The following PSD3 variants were observed in gnomAD, a reference collection of about 807,000 sequenced individuals.
The protein encoded by PSD3 is pleckstrin and Sec7 domain containing 3.
A neutral mutation model predicts 105.5 loss-of-function variants in PSD3; 49 were observed. The observed-to-expected ratio is 0.46, with a 90% CI of 0.37 to 0.59. The LOEUF (loss-of-function observed/expected upper bound fraction) is 0.59. Among genes scored for constraint, PSD3 ranks in the 20% least tolerant of loss-of-function variants. The pLI, the probability that PSD3 is intolerant of heterozygous loss-of-function variation, is 0.00. For synonymous variants in PSD3, 557 were observed against 457.8 expected (o/e 1.22, Z -2.77); for missense variants, 1,561 against 1,263.8 (o/e 1.24, Z -3.57).
Position 18,655,677 on chromosome 8 carries a change from G to C in PSD3, c.2181C>G (p.Tyr727Ter). 6.2e-7 allele frequency: 1 copy of C among 1,613,554 alleles called. No individual in the cohort carries two copies. The highest frequency in any genetic ancestry group is 8.5e-7 in the Non-Finnish European group (1 of 1,179,562). ...CAAGCTTCTCATTCTTGATTGAGTT[G>C]TACAGAGCCTGTAAAGAGAGAAAAT... ...DFSKDLLKAL[Y>*]NSIKNEKLEW... Residue 727 changes from tyrosine (Y) to a stop codon, truncating the protein, a stop_gained, in exon 10 of 16, where the codon TAC becomes TAG. Transcript: ENST00000327040. LOFTEE classifies it high-confidence loss of function.
intron 4 of PSD3, among the ~76,000 whole-genome samples, chr8:18,837,810 T>TA (rs1814244541): frequency 1.3e-5 from 2 of 152,086 alleles, no homozygotes; most frequent in African/African-American, 2.4e-5. Flanking sequence ...TTTAAAAAAA[T>TA]AAAAGCACTA....
intron 11 of PSD3, among the ~76,000 whole-genome samples, chr8:18,618,207 G>T (rs1218604144): frequency 7.1e-6 from 1 of 140,926 alleles, no homozygotes. Context: ...ATCCGTCTAT[G>T]ACCTGGAAGC....
Position 18,801,312 on chromosome 8 carries a change from T to A in PSD3, c.1981A>T (p.Asn661Tyr), listed in dbSNP as rs1810662041. ...TCTGGGTTACAATAAAAATATCTAT[T>A]GGAGAAGTGTATTAAAACTCTCTCT... ...ERERVLIHFS[N>Y]RYFYCNPDTI... The change falls in exon 7 of 16, where the codon AAT (asparagine) becomes TAT (tyrosine). Residue 661 changes from asparagine to tyrosine, a missense_variant. By Grantham distance (143) the Asn-to-Tyr change is moderately radical (BLOSUM62 -2). Coordinates refer to ENST00000327040, the MANE Select transcript of PSD3 (RefSeq NM_015310.4). 1 of 1,607,072 alleles carries A rather than the reference T, an allele frequency of 6.2e-7. No homozygotes were observed. Among genetic ancestry groups the A allele is most frequent in the East Asian group, 2.2e-5 (1 of 44,608 alleles).
chr8:18,543,176 C>T (rs1411796637), intron 15 of PSD3, among the ~76,000 whole-genome samples: 2 of 152,062 alleles, frequency 1.3e-5, no homozygotes, highest in Non-Finnish European at 2.9e-5. Flanking sequence ...CCTTTTGTGA[C>T]CACCAAGAGC....
At chr8:19,067,908 C>G (rs2129477808) in intron 1 of PSD3, among the ~76,000 whole-genome samples, 1 of 152,330 alleles carries the variant, frequency 6.6e-6, no homozygotes, top group Middle Eastern at 3.4e-3. Context: ...CCGCAGCTAT[C>G]TGCCTTTAAA....
intron 9 of PSD3, chr8:18,730,448 T>C (rs556078086): frequency 5.3e-5 from 8 of 152,296 alleles, no homozygotes; most frequent in African/African-American, 1.9e-4. Flanking sequence ...CCTTTATATA[T>C]AAATATTAAT....
At chr8:18,837,318 CA>C (rs1451204305) in intron 4 of PSD3, among the ~76,000 whole-genome samples, 1 of 152,152 alleles carries the variant, frequency 6.6e-6, no homozygotes, top group Non-Finnish European at 1.5e-5. Context: ...TTGTGGTAAG[CA>C]AGTCTTCCTG....
At chr8:18,771,864 T>C (rs1362407975) in intron 8 of PSD3, among the ~76,000 whole-genome samples, 1 of 152,238 alleles carries the variant, frequency 6.6e-6, no homozygotes, top group Non-Finnish European at 1.5e-5. Context: ...TCTCAAACTC[T>C]ATACCCATTA....
chr8:18,838,504 T>C (rs1310317833), intron 4 of PSD3, among the ~76,000 whole-genome samples: 3 of 152,090 alleles, frequency 2.0e-5, no homozygotes, highest in Admixed American at 2.0e-4. Flanking sequence ...AGTTCTGTTT[T>C]TAAAAATAAT....
chr8:18,806,562 C>G (rs963796423), intron 4 of PSD3, among the ~76,000 whole-genome samples: 10 of 152,204 alleles, frequency 6.6e-5, no homozygotes, highest in African/African-American at 2.4e-4. Context: ...AGATGCTAAA[C>G]CAAGGGCGGT....
intron 8 of PSD3, among the ~76,000 whole-genome samples, chr8:18,777,476 G>A (rs945664672): frequency 2.4e-4 from 36 of 152,024 alleles, no homozygotes; most frequent in Non-Finnish European, 4.0e-4. Flanking sequence ...TTTTTCCCAT[G>A]CTTTTCTAGT....
intron 9 of PSD3, among the ~76,000 whole-genome samples, chr8:18,695,494 T>G (rs183040427): frequency 6.6e-6 from 1 of 152,332 alleles, no homozygotes; most frequent in Non-Finnish European, 1.5e-5. Flanking sequence ...GTGGATAACT[T>G]TGATCTATTC....
chr8:18,612,460 C>A (rs1178881239), intron 11 of PSD3, among the ~76,000 whole-genome samples: 2 of 151,870 alleles, frequency 1.3e-5, no homozygotes, highest in Admixed American at 6.6e-5. Flanking sequence ...GCAACCTCCA[C>A]CTCCTGGGTT....
intron 14 of PSD3, among the ~76,000 whole-genome samples, chr8:18,572,020 T>C (rs1802173280): frequency 6.6e-6 from 1 of 152,240 alleles, no homozygotes; most frequent in Non-Finnish European, 1.5e-5. Flanking sequence ...AGTTCTGGTA[T>C]ACTTTATCTT....
Position 18,936,042 on chromosome 8 carries a change from G to A in PSD3, c.122C>T (p.Pro41Leu). 2 of 1,605,460 alleles carry A rather than the reference G, an allele frequency of 1.2e-6. No homozygotes were observed. The highest frequency in any genetic ancestry group is 1.7e-6 in the Non-Finnish European group (2 of 1,172,742). Residue 41 changes from proline (P) to leucine (L), a missense_variant, in exon 2 of 16, where the codon CCA (proline) becomes CTA (leucine). Physicochemically the swap from Pro to Leu is moderately conservative, Grantham distance 98 (BLOSUM62 -3). Coordinates refer to ENST00000327040, the MANE Select transcript of PSD3 (RefSeq NM_015310.4). ...FLFGRSEGKA[P>L]DTSDHGGSTL... ...TATGAGGAAATACTTACTAGTATCTGGAGCTTTCCCTTCAGATCTGCCAAA... is the reference window on the plus strand; with the variant it reads ...TATGAGGAAATACTTACTAGTATCTAGAGCTTTCCCTTCAGATCTGCCAAA...
intron 11 of PSD3, among the ~76,000 whole-genome samples, chr8:18,626,483 A>G (rs1187514326): frequency 6.6e-6 from 1 of 152,148 alleles, no homozygotes; most frequent in African/African-American, 2.4e-5. Flanking sequence ...TTTAGAAAAT[A>G]AGTATCTACT....
At chr8:19,027,812 G>A (rs1252230163) in intron 1 of PSD3, among the ~76,000 whole-genome samples, 2 of 152,088 alleles carry the variant, frequency 1.3e-5, no homozygotes, top group African/African-American at 4.8e-5. Flanking sequence ...TCCATTGTAT[G>A]GATACATAAT....
intron 1 of PSD3, among the ~76,000 whole-genome samples, chr8:18,980,455 C>T (rs1343311895): frequency 6.6e-6 from 1 of 151,622 alleles, no homozygotes; most frequent in African/African-American, 2.4e-5. Context: ...TTGGTTGGTT[C>T]GTTGGTTGGT....
At chr8:19,040,617 C>T (rs1207209196) in intron 1 of PSD3, among the ~76,000 whole-genome samples, 2 of 152,188 alleles carry the variant, frequency 1.3e-5, no homozygotes, top group Non-Finnish European at 2.9e-5. Context: ...GAATAAAGCA[C>T]GGGCGTTGGG....
Sources: gnomAD v4.1 joint callset for allele counts (sites outside exome capture counted in the v4.1 genomes callset) on GRCh38, gnomAD v4.1.1 for gene constraint, MANE v1.5 for transcripts, NCBI Gene and HGNC (gene_info 2026-07-23, HGNC 2026-07-21) for gene names.